Variants in EPS8 observed in about 807,000 individuals in gnomAD.
The protein encoded by EPS8 is EGFR pathway substrate 8, signaling adaptor, also known as epidermal growth factor receptor kinase substrate 8.
A neutral mutation model predicts 103.8 loss-of-function variants in EPS8; 42 were observed. The ratio of observed to expected loss-of-function variants is 0.40; its 90% CI spans 0.32 to 0.52. The LOEUF is 0.52. Among genes scored for constraint, EPS8 ranks in the 20% least tolerant of loss-of-function variants. EPS8 has a pLI of 0.40. For synonymous variants in EPS8, 344 were observed against 344.6 expected (o/e 1.00, Z 0.02); for missense variants, 969 against 1,005.1 (o/e 0.96, Z 0.49).
intron 10 of EPS8, among the ~76,000 whole-genome samples, chr12:15,658,943 T>C (rs1481241128): frequency 1.3e-5 from 2 of 152,154 alleles, no homozygotes; most frequent in Admixed American, 6.6e-5. Context: ...CCAATCGTTA[T>C]GAGAAGAGAC....
rs77222184 is a variant in EPS8, at chr12:15,658,771, G to A, written c.938-186C>T. On this transcript the variant is annotated intron_variant, in intron 10 of 20. Coordinates refer to ENST00000281172, the MANE Select transcript of EPS8 (RefSeq NM_004447.6). ...GAAGATACAAATTTCAAAATGGATT[G>A]CTCTATCCTTAGGCACTACAAATTA... Among the ~76,000 whole-genome samples, 217 of 152,238 alleles carry A rather than the reference G, an allele frequency of 1.4e-3. 1 individual carries two copies. The East Asian group carries it at 0.039, about 27-fold the overall frequency.
Position 15,669,674 on chromosome 12 carries a change from A to G in EPS8, c.356T>C (p.Leu119Ser), listed in dbSNP as rs748060434. 8 of 1,598,464 alleles carry G rather than the reference A, an allele frequency of 5.0e-6. No homozygotes were observed. The highest frequency in any genetic ancestry group is 2.6e-6 in the Non-Finnish European group (3 of 1,173,776). ...VDDRAVSLID[L>S]ESKNELENFP... ...ATTTTACACACTTGCCTTTGATTCT[A>G]AATCAATCAGGCTCACAGCTCTGTC... Residue 119 changes from leucine to serine, a missense_variant, in exon 5 of 21, where the codon TTA becomes TCA. Physicochemically the swap from Leu to Ser is moderately radical, Grantham distance 145 (BLOSUM62 -2). Transcript: ENST00000281172.
intron 1 of EPS8, among the ~76,000 whole-genome samples, chr12:15,773,749 A>C (rs541838389): frequency 6.6e-6 from 1 of 152,160 alleles, no homozygotes; most frequent in East Asian, 1.9e-4. Flanking sequence ...TCAAATGCAT[A>C]TCATAGGAAG....
intron 1 of EPS8, among the ~76,000 whole-genome samples, chr12:15,753,808 ATTAAT>A: frequency 6.6e-6 from 1 of 152,358 alleles, no homozygotes; most frequent in Non-Finnish European, 1.5e-5. Context: ...CCTGAATTTT[ATTAAT>A]TTGATACTTT....
In EPS8 at chr12:15,771,248, T is replaced by C. The variant is rs914776503; in HGVS notation, c.-22+17913A>G. Among the ~76,000 whole-genome samples, 1 of 152,216 alleles carries C rather than the reference T, an allele frequency of 6.6e-6. No individual in the cohort carries two copies. Among genetic ancestry groups the C allele is most frequent in the African/African-American group, 2.4e-5 (1 of 41,456 alleles). Reference sequence around the variant, plus strand: ...AGCACAGACTGGGAAAACTGAAGTATACAGATGAAAGTGTATAGTACCTCA... The same window carrying C: ...AGCACAGACTGGGAAAACTGAAGTACACAGATGAAAGTGTATAGTACCTCA... On this transcript the variant is annotated intron_variant, in intron 1 of 20. Transcript: ENST00000281172. This position sits in a 1 kb window ranked among gnomAD's most constrained non-coding sequence, Gnocchi z 4.6.
chr12:15,673,777 T>C (rs773339610), intron 3 of EPS8, among the ~76,000 whole-genome samples: 2 of 152,240 alleles, frequency 1.3e-5, no homozygotes, highest in Non-Finnish European at 2.9e-5. Flanking sequence ...TTTAGGTTTC[T>C]AGTAGTACAA....
At chr12:15,744,013 C>G (rs36045334) in intron 1 of EPS8, among the ~76,000 whole-genome samples, 2,135 of 152,288 alleles carry the variant, frequency 0.014, 21 homozygotes, top group South Asian at 0.037. Flanking sequence ...ATCTACCCAT[C>G]TGACAAAGGG....
At position 15,783,751 on chromosome 12, in the gene EPS8, T is replaced by C. The variant is rs372739943; in HGVS notation, c.-22+5410A>G. On this transcript the variant is annotated intron_variant, in intron 1 of 20. Coordinates refer to ENST00000281172, the MANE Select transcript of EPS8 (RefSeq NM_004447.6). ...AAAAAAAAAAGAGGAAAATGAATTA[T>C]GTACAATGTCTAGAAATAAATCTCA... Among the ~76,000 whole-genome samples the C allele has an allele frequency of 4.6e-4, 70 of 151,070 alleles. No homozygotes were observed. The East Asian group carries it at 6.6e-3, about 14-fold the overall frequency.
chr12:15,631,859 A>T, intron 17 of EPS8, 195 bp from the exon 18 acceptor site: 1 of 502,648 alleles, frequency 2.0e-6, no homozygotes, highest in Non-Finnish European at 3.5e-6. Context: ...ATTTGTTCAA[A>T]GTCAAAACAT....
chr12:15,636,606 C>T (rs775902502), intron 17 of EPS8, among the ~76,000 whole-genome samples: 17 of 152,230 alleles, frequency 1.1e-4, no homozygotes, highest in Non-Finnish European at 2.1e-4. Context: ...TGCACTTGTG[C>T]CCTTCACCCA....
rs1271530326 is a variant in EPS8 at position 15,776,410 on chromosome 12, C to T, written c.-22+12751G>A. 6.6e-6 allele frequency among the ~76,000 whole-genome samples: 1 copy of T among 152,126 alleles called. No individual in the cohort carries two copies. The highest frequency in any genetic ancestry group is 1.5e-5 in the Non-Finnish European group (1 of 68,008). ...AAAAACAGCTGGCTTAGGTGAGTGA[C>T]CTACTCTAAAAACCTTCCCCTCAAG... On this transcript the variant is annotated intron_variant, in intron 1 of 20. Coordinates refer to ENST00000281172, the MANE Select transcript of EPS8 (RefSeq NM_004447.6). The surrounding 1 kb of genome is among the most constrained non-coding windows in gnomAD (Gnocchi z 4.2).
At chr12:15,729,715 C>G (rs1241601161) in intron 1 of EPS8, among the ~76,000 whole-genome samples, 1 of 152,096 alleles carries the variant, frequency 6.6e-6, no homozygotes, top group Non-Finnish European at 1.5e-5. Flanking sequence ...GTGTTATCTT[C>G]TCAATGTTGG....
In EPS8 at chr12:15,752,504, C is replaced by G. The variant is rs1946943678; in HGVS notation, c.-22+36657G>C. On this transcript the variant is annotated intron_variant, in intron 1 of 20. Transcript: ENST00000281172. The surrounding 1 kb of genome is among the most constrained non-coding windows in gnomAD (Gnocchi z 4.4). The stretch of plus-strand genomic sequence containing the variant: ...AAATTCCCCTAAAGAGCTGGCCCCT[C>G]TAGCCTAAGTTGAGCCTTTTAGCAG... Among the ~76,000 whole-genome samples the G allele has an allele frequency of 1.3e-5, 2 of 152,002 alleles. No individual in the cohort carries two copies. The highest frequency in any genetic ancestry group is 4.8e-5 in the African/African-American group (2 of 41,374).
chr12:15,768,295 G>A lies in EPS8; in HGVS notation c.-22+20866C>T, dbSNP rs887260708. On this transcript the variant is annotated intron_variant, in intron 1 of 20. Transcript: ENST00000281172. ...TCTACTAAAAATACAAAAATTAGCC[G>A]GGCGTGGTGGCGGGCACCTGTAATC... 6.6e-5 allele frequency among the ~76,000 whole-genome samples: 10 copies of A among 151,548 alleles called. No individual in the cohort carries two copies. The East Asian group carries it at 9.7e-4, about 15-fold the overall frequency.
intron 1 of EPS8, among the ~76,000 whole-genome samples, chr12:15,718,482 A>C (rs1181894794): frequency 6.6e-6 from 1 of 152,178 alleles, no homozygotes; most frequent in Non-Finnish European, 1.5e-5. Flanking sequence ...TTCCCATTTA[A>C]ATACAGACTC....
chr12:15,766,832 C>A lies in EPS8; in HGVS notation c.-22+22329G>T, dbSNP rs939516720. Among the ~76,000 whole-genome samples, 5 of 152,216 alleles carry A rather than the reference C, an allele frequency of 3.3e-5. No homozygotes were observed. The East Asian group carries it at 5.8e-4, about 18-fold the overall frequency. On this transcript the variant is annotated intron_variant, in intron 1 of 20. Coordinates refer to ENST00000281172, the MANE Select transcript of EPS8 (RefSeq NM_004447.6). ...GGGTCATTCAAACATATGTCTAACT[C>A]GATTCTTTGAAATAAGCCAAAATCA... is the stretch of plus-strand genomic sequence containing the variant.
chr12:15,675,945 C>T (rs1439360726), intron 3 of EPS8, among the ~76,000 whole-genome samples: 1 of 152,148 alleles, frequency 6.6e-6, no homozygotes, highest in African/African-American at 2.4e-5. Context: ...TATACATTAA[C>T]ACGTGCATAT....
Position 15,772,873 on chromosome 12 carries a change from A to C in EPS8, c.-22+16288T>G, listed in dbSNP as rs1429111561. Among the ~76,000 whole-genome samples, 2 of 152,238 alleles carry C rather than the reference A, an allele frequency of 1.3e-5. No individual in the cohort carries two copies. Among genetic ancestry groups the C allele is most frequent in the African/African-American group, 4.8e-5 (2 of 41,464 alleles). On this transcript the variant is annotated intron_variant, in intron 1 of 20. Coordinates refer to ENST00000281172, the MANE Select transcript of EPS8 (RefSeq NM_004447.6). This position sits in a 1 kb window ranked among gnomAD's most constrained non-coding sequence, Gnocchi z 5.0. ...GAAACCCTAAATGGTAAAAATTCAT[A>C]GTGAACGAGACACAGTTTATGTCCT...
At chr12:15,763,528 C>T (rs759293665) in intron 1 of EPS8, among the ~76,000 whole-genome samples, 1 of 152,130 alleles carries the variant, frequency 6.6e-6, no homozygotes, top group African/African-American at 2.4e-5. Context: ...CCATCCTGCA[C>T]CAGTGACTGT....
Sources: allele counts gnomAD v4.1 joint callset (sites outside exome capture counted in the v4.1 genomes callset), GRCh38; gene constraint gnomAD v4.1.1; non-coding constraint Gnocchi (gnomAD v3.1); transcripts MANE v1.5; gene names NCBI Gene and HGNC (gene_info 2026-07-23, HGNC 2026-07-21).